CRACD: variants seen among roughly 807,000 people sequenced by gnomAD.
CRACD encodes capping protein-inhibiting regulator of actin dynamics.
In CRACD, 56 loss-of-function variants were observed where a neutral mutation model predicts 106.8. The ratio of observed to expected loss-of-function variants is 0.52; its 90% CI spans 0.42 to 0.66. The LOEUF (loss-of-function observed/expected upper bound fraction) is 0.66. CRACD is among the 30% of genes least tolerant of loss of function. CRACD has a pLI of 0.00. For synonymous variants in CRACD, 754 were observed against 670.8 expected, an observed-to-expected ratio of 1.12 and a Z score of -1.92; for missense variants, 1,730 against 1,623.2, an observed-to-expected ratio of 1.07 and a Z score of -1.13.
intron 2 of CRACD, among the ~76,000 whole-genome samples, chr4:56,221,656 C>CA (rs1464680884): frequency 3.3e-5 from 5 of 150,100 alleles, no homozygotes; most frequent in South Asian, 2.1e-4. Context: ...AACAAATCAG[C>CA]AAAAAAAATT....
Position 56,315,196 on chromosome 4 carries a change from G to A in CRACD, c.1694G>A (p.Gly565Glu), listed in dbSNP as rs1442787340. The A allele has an allele frequency of 6.3e-7, 1 of 1,594,140 alleles. No individual in the cohort carries two copies. The highest frequency in any genetic ancestry group is 8.5e-7 in the Non-Finnish European group (1 of 1,170,788). ...LSPVTPAKDT[G>E]LTAAPQEPKA... is the part of the protein sequence containing the mutation. ...CCCGTGACGCCCGCAAAGGACACGG[G>A]GCTCACCGCTGCTCCCCAGGAACCA... The change falls in exon 8 of 11, where the codon GGG becomes GAG. Residue 565 changes from glycine to glutamate, a missense_variant. Physicochemically the swap from Gly to Glu is moderately conservative, Grantham distance 98. Transcript: ENST00000682029. The surrounding 1 kb of genome is among the most constrained non-coding windows in gnomAD (Gnocchi z 4.1).
At position 56,316,083 on chromosome 4, in the gene CRACD, G is replaced by T; in HGVS notation, c.2581G>T (p.Asp861Tyr). The T allele has an allele frequency of 6.2e-7, 1 of 1,614,124 alleles. No homozygotes were observed. Among genetic ancestry groups the T allele is most frequent in the East Asian group, 2.2e-5 (1 of 44,876 alleles). ...RTNYSLRFNCDQQAEQKKKKR... is the reference protein window; with the variant it reads ...RTNYSLRFNCYQQAEQKKKKR... The stretch of plus-strand genomic sequence containing the variant: ...CAACTATTCCTTGCGCTTCAACTGC[G>T]ACCAACAGGCAGAACAGAAGAAGAA... The change falls in exon 8 of 11, where the codon GAC (aspartate) becomes TAC (tyrosine). Residue 861 changes from aspartate (D) to tyrosine (Y), a missense_variant. Asp to Tyr is a radical substitution (Grantham distance 160). Around this residue, in one of 5 missense-constraint regions of CRACD, gnomAD observed 1,620 missense variants for 1,481.6 expected, o/e 1.09. Coordinates refer to ENST00000682029, the MANE Select transcript of CRACD (RefSeq NM_001393381.1).
chr4:56,130,956 C>T (rs1045242714), intron 1 of CRACD, among the ~76,000 whole-genome samples: 1 of 152,120 alleles, frequency 6.6e-6, no homozygotes, highest in African/African-American at 2.4e-5. Flanking sequence ...TGGTTCATTT[C>T]CTTATATGTA....
chr4:56,314,473 A>G lies in CRACD; in HGVS notation c.971A>G (p.Gln324Arg), dbSNP rs747461660. Reference protein sequence around the residue: ...LEAEEERRRLQAQAQAEERRR... With the variant: ...LEAEEERRRLRAQAQAEERRR... ...GCGGAGGAGGAGCGAAGGCGTCTGCAGGCCCAGGCCCAAGCGGAGGAGAGG... is the reference window on the plus strand; with the variant it reads ...GCGGAGGAGGAGCGAAGGCGTCTGCGGGCCCAGGCCCAAGCGGAGGAGAGG... Residue 324 changes from glutamine (Q) to arginine (R), a missense_variant, in exon 8 of 11, where the codon CAG becomes CGG. Coordinates refer to ENST00000682029, the MANE Select transcript of CRACD (RefSeq NM_001393381.1). The surrounding 1 kb of genome is among the most constrained non-coding windows in gnomAD (Gnocchi z 4.4). 376 of 1,531,398 alleles carry G rather than the reference A, an allele frequency of 2.5e-4. No homozygotes were observed. The highest frequency in any genetic ancestry group is 2.9e-4 in the Non-Finnish European group (334 of 1,139,890). The allele number at this position is 1,531,398 out of a possible 1,614,324, so 94.9% of individuals were successfully genotyped here.
At chr4:56,121,640 T>C (rs991950905) in intron 1 of CRACD, among the ~76,000 whole-genome samples, 5 of 149,450 alleles carry the variant, frequency 3.3e-5, no homozygotes, top group African/African-American at 1.2e-4. Context: ...CAAGACTCTG[T>C]CTTGAAAAAA....
In CRACD at chr4:56,315,170, C is replaced by T. The variant is rs1481879737; in HGVS notation, c.1668C>T (p.Ser556=). 6.3e-7 allele frequency: 1 copy of T among 1,599,002 alleles called. No individual in the cohort carries two copies. Among genetic ancestry groups the T allele is most frequent in the Non-Finnish European group, 8.5e-7 (1 of 1,173,434 alleles). ...KQILFPKVNL[S]PVTPAKDTGL... is the part of the protein sequence containing the mutation. The stretch of plus-strand genomic sequence containing the variant: ...TTCTCTTTCCCAAAGTCAACCTGAG[C>T]CCCGTGACGCCCGCAAAGGACACGG... The change falls in exon 8 of 11, where the codon AGC becomes AGT. Residue 556 remains serine, a synonymous_variant. Coordinates refer to ENST00000682029, the MANE Select transcript of CRACD (RefSeq NM_001393381.1). This position sits in a 1 kb window ranked among gnomAD's most constrained non-coding sequence, Gnocchi z 4.1.
intron 2 of CRACD, among the ~76,000 whole-genome samples, chr4:56,192,415 T>C (rs1316590137): frequency 6.6e-6 from 1 of 151,594 alleles, no homozygotes; most frequent in African/African-American, 2.4e-5. Flanking sequence ...AAAGAAAGTA[T>C]ACTGTGCTGG....
intron 2 of CRACD, among the ~76,000 whole-genome samples, chr4:56,271,848 A>G (rs1424536608): frequency 6.6e-6 from 1 of 152,096 alleles, no homozygotes; most frequent in Middle Eastern, 3.2e-3. Flanking sequence ...AGGCTCAATC[A>G]ATCCTCCAGC....
intron 1 of CRACD, among the ~76,000 whole-genome samples, chr4:56,154,255 C>G (rs1560465969): frequency 6.6e-6 from 1 of 151,616 alleles, no homozygotes; most frequent in East Asian, 1.9e-4. Flanking sequence ...CACTTGAGCC[C>G]CAGGAGTTTG....
intron 3 of CRACD, among the ~76,000 whole-genome samples, chr4:56,281,133 G>A (rs1743015457): frequency 6.6e-6 from 1 of 152,260 alleles, no homozygotes; most frequent in South Asian, 2.1e-4. Context: ...GGCCTGTTAG[G>A]AACCAGGCCG....
intron 2 of CRACD, among the ~76,000 whole-genome samples, chr4:56,225,684 G>A (rs941873245): frequency 1.3e-5 from 2 of 152,284 alleles, no homozygotes; most frequent in African/African-American, 2.4e-5. Context: ...GCTTGATTAG[G>A]TAGAAATATT....
chr4:56,276,683 T>A (rs1285050974), intron 3 of CRACD, among the ~76,000 whole-genome samples: 1 of 152,220 alleles, frequency 6.6e-6, no homozygotes, highest in Non-Finnish European at 1.5e-5. Context: ...AAACATCCAC[T>A]ACTGTGCCTC....
intron 1 of CRACD, among the ~76,000 whole-genome samples, chr4:56,120,703 A>G (rs907329631): frequency 6.6e-6 from 1 of 152,268 alleles, no homozygotes; most frequent in Non-Finnish European, 1.5e-5. Context: ...CTAATGTGAA[A>G]ATAAGATAGA....
chr4:56,212,072 A>T (rs1301096613), intron 2 of CRACD, among the ~76,000 whole-genome samples: 1 of 152,210 alleles, frequency 6.6e-6, no homozygotes, highest in Non-Finnish European at 1.5e-5. Context: ...CAGGTCACAA[A>T]GACCCTGCTG....
intron 1 of CRACD, among the ~76,000 whole-genome samples, chr4:56,158,385 G>A (rs1348126578): frequency 6.6e-6 from 1 of 151,504 alleles, no homozygotes. Context: ...TAAATTTATG[G>A]TATTTTTTTT....
At chr4:56,270,493 G>T (rs1742285856) in intron 2 of CRACD, among the ~76,000 whole-genome samples, 1 of 152,092 alleles carries the variant, frequency 6.6e-6, no homozygotes, top group Non-Finnish European at 1.5e-5. Context: ...AGAGCTCTGG[G>T]GCCTCTGATA....
intron 1 of CRACD, among the ~76,000 whole-genome samples, chr4:56,087,802 A>C (rs560522431): frequency 6.6e-6 from 1 of 152,242 alleles, no homozygotes; most frequent in East Asian, 1.9e-4. Flanking sequence ...TACTTATTTC[A>C]GTTACCCAAG....
At chr4:56,103,002 T>C (rs1373774172) in intron 1 of CRACD, among the ~76,000 whole-genome samples, 7 of 152,220 alleles carry the variant, frequency 4.6e-5, no homozygotes, top group Non-Finnish European at 1.0e-4. Flanking sequence ...CATTATTTAT[T>C]AGGGTCTCTC....
chr4:56,309,717 G>A (rs1465753294), intron 5 of CRACD, among the ~76,000 whole-genome samples: 4 of 152,168 alleles, frequency 2.6e-5, no homozygotes, highest in African/African-American at 7.2e-5. Flanking sequence ...AGCCGGATGC[G>A]GTGGCGCATG....
Sources: allele counts gnomAD v4.1 joint callset (sites outside exome capture counted in the v4.1 genomes callset), GRCh38; gene constraint gnomAD v4.1.1; regional missense constraint gnomAD v4.1.1; non-coding constraint Gnocchi (gnomAD v3.1); transcripts MANE v1.5; gene names NCBI Gene and HGNC (gene_info 2026-07-23, HGNC 2026-07-21).